The following FBXO34 variants were observed in gnomAD, a reference collection of about 807,000 sequenced individuals.
FBXO34 encodes the protein F-box only protein 34.
A neutral mutation model predicts 24.5 loss-of-function variants in FBXO34; 12 were observed. The ratio of observed to expected loss-of-function variants is 0.49; its 90% CI spans 0.31 to 0.79. FBXO34 has a LOEUF of 0.79. Among genes scored for constraint, FBXO34 ranks in the 30% least tolerant of loss-of-function variants. FBXO34 has a pLI of 0.04. For synonymous variants in FBXO34, 320 were observed against 311.9 expected (o/e 1.03, Z -0.27); for missense variants, 823 against 857.7 (o/e 0.96, Z 0.51).
intron 1 of FBXO34, among the ~76,000 whole-genome samples, chr14:55,317,389 AG>A (rs1882968306): frequency 6.6e-6 from 1 of 152,132 alleles, no homozygotes; most frequent in Admixed American, 6.6e-5. Context: ...CTGAGGTGGG[AG>A]AAGCCCTTGA....
At chr14:55,372,542 CTTCT>C (rs1272258738), downstream of FBXO34, among the ~76,000 whole-genome samples, 1 of 151,814 alleles carries the variant, frequency 6.6e-6, no homozygotes, top group African/African-American at 2.4e-5. Flanking sequence ...TCCTCCCTTC[CTTCT>C]TTCCCTTTCT....
chr14:55,331,150 A>T (rs1235509132), intron 1 of FBXO34, among the ~76,000 whole-genome samples: 1 of 152,196 alleles, frequency 6.6e-6, no homozygotes, highest in African/African-American at 2.4e-5. Context: ...TTGGGCTTCT[A>T]TTATAATACC....
intron 1 of FBXO34, among the ~76,000 whole-genome samples, chr14:55,335,036 A>C (rs185521520): frequency 1.1e-3 from 161 of 152,238 alleles, no homozygotes; most frequent in African/African-American, 3.3e-3. Flanking sequence ...CCCACCCAGC[A>C]AGTTAAGTTG....
At chr14:55,441,973 G>T in the FBXO34 span, among the ~76,000 whole-genome samples, 1 of 151,464 alleles carries the variant, frequency 6.6e-6, no homozygotes, top group South Asian at 2.1e-4. Flanking sequence ...TTGTTGGCCA[G>T]GCTGGTCTCA....
At chr14:55,341,973 G>A (rs959037755) in intron 1 of FBXO34, among the ~76,000 whole-genome samples, 39 of 152,148 alleles carry the variant, frequency 2.6e-4, no homozygotes, top group African/African-American at 8.4e-4. Flanking sequence ...GTGGGCTGGG[G>A]AACTGTGTAA....
chr14:55,430,431 G>A, the FBXO34 span, among the ~76,000 whole-genome samples: 1 of 145,730 alleles, frequency 6.9e-6, no homozygotes, highest in African/African-American at 2.5e-5. Context: ...AAAGAGATTG[G>A]GTTTTTGCTC....
At chr14:55,292,467 C>T (rs1410914934) in intron 1 of FBXO34, among the ~76,000 whole-genome samples, 1 of 152,118 alleles carries the variant, frequency 6.6e-6, no homozygotes, top group East Asian at 1.9e-4. Context: ...TCAAGTGATC[C>T]TCACACCTCA....
the FBXO34 span, among the ~76,000 whole-genome samples, chr14:55,387,656 C>T: frequency 8.5e-5 from 13 of 152,090 alleles, no homozygotes; most frequent in Admixed American, 6.5e-5. Flanking sequence ...TTTGGTTGCA[C>T]GCATTAGATT....
intron 1 of FBXO34, among the ~76,000 whole-genome samples, chr14:55,276,489 T>C (rs1219552484): frequency 6.6e-6 from 1 of 152,214 alleles, no homozygotes; most frequent in Non-Finnish European, 1.5e-5. Context: ...TTACTTGTTT[T>C]GTTGTGCCTG....
the FBXO34 span, among the ~76,000 whole-genome samples, chr14:55,420,408 A>C: frequency 2.6e-5 from 4 of 152,232 alleles, no homozygotes; most frequent in African/African-American, 9.6e-5. Flanking sequence ...TTAAGTAATA[A>C]GGAACATTTG....
the FBXO34 span, among the ~76,000 whole-genome samples, chr14:55,383,473 C>T: frequency 6.6e-6 from 1 of 152,064 alleles, no homozygotes; most frequent in Admixed American, 6.5e-5. Context: ...ATTGCTTGAA[C>T]CTGGGAGGCA....
At chr14:55,375,366 T>C in the FBXO34 span, among the ~76,000 whole-genome samples, 1 of 152,190 alleles carries the variant, frequency 6.6e-6, no homozygotes, top group Non-Finnish European at 1.5e-5. Context: ...CTTCATTCTG[T>C]CATCCAGGTT....
chr14:55,414,507 T>C, the FBXO34 span: 6 of 1,299,432 alleles, frequency 4.6e-6, no homozygotes, highest in Non-Finnish European at 6.4e-6. Flanking sequence ...TACCAACATT[T>C]ACTTAAACAC....
At chr14:55,364,730 T>A (rs1463399840), downstream of FBXO34, among the ~76,000 whole-genome samples, 7 of 70,446 alleles carry the variant, frequency 9.9e-5, no homozygotes, top group African/African-American at 3.2e-4. Flanking sequence ...TGCCCAACTT[T>A]TTTTTTTTTT....
chr14:55,384,630 T>C, the FBXO34 span, among the ~76,000 whole-genome samples: 3 of 152,252 alleles, frequency 2.0e-5, no homozygotes, highest in Admixed American at 6.5e-5. Context: ...AAGCTGGAAG[T>C]AGCAATCAGT....
chr14:55,411,425 C>T, the FBXO34 span, among the ~76,000 whole-genome samples: 1 of 152,198 alleles, frequency 6.6e-6, no homozygotes, highest in Non-Finnish European at 1.5e-5. Context: ...TCATCTGGCC[C>T]CTACGCTGTC....
chr14:55,343,024 C>G (rs1884041206), intron 1 of FBXO34, among the ~76,000 whole-genome samples: 1 of 152,090 alleles, frequency 6.6e-6, no homozygotes, highest in Non-Finnish European at 1.5e-5. Flanking sequence ...TTTGTAAAAA[C>G]AAGGATTTCA....
downstream of FBXO34, chr14:55,354,665 G>A (rs1337760889): frequency 6.6e-6 from 1 of 152,264 alleles, no homozygotes; most frequent in Non-Finnish European, 1.5e-5. Context: ...GAACTATGTG[G>A]CAGGACCTGG....
At chr14:55,301,304 G>GC (rs1882346299) in intron 1 of FBXO34, among the ~76,000 whole-genome samples, 1 of 152,092 alleles carries the variant, frequency 6.6e-6, no homozygotes, top group Non-Finnish European at 1.5e-5. Context: ...AGGTGTGGTG[G>GC]CATGTGCCTG....
Sources: gnomAD v4.1 joint callset for allele counts (sites outside exome capture counted in the v4.1 genomes callset) on GRCh38, gnomAD v4.1.1 for gene constraint, MANE v1.5 for transcripts, NCBI Gene and HGNC (gene_info 2026-07-23, HGNC 2026-07-21) for gene names.